The following FAM135A variants were observed in gnomAD, a reference collection of about 807,000 sequenced individuals.
FAM135A encodes the protein family with sequence similarity 135 member A.
Under a neutral mutation model 146.8 loss-of-function variants are expected in FAM135A, and 79 were observed. The ratio of observed to expected loss-of-function variants is 0.54; its 90% CI spans 0.45 to 0.65. The LOEUF (loss-of-function observed/expected upper bound fraction) is 0.65, where lower values mean the gene tolerates loss of function less well. Among genes scored for constraint, FAM135A ranks in the 30% least tolerant of loss-of-function variants. The probability of loss-of-function intolerance (pLI) is 0.00; values close to 1 mark genes in which losing one functional copy is unlikely to be tolerated. For synonymous variants in FAM135A, 562 were observed against 603.6 expected (o/e 0.93, Z 1.01); for missense variants, 1,623 against 1,758.2 (o/e 0.92, Z 1.38).
chr6:70,467,574 C>G (rs1780705381), intron 5 of FAM135A, among the ~76,000 whole-genome samples: 2 of 151,780 alleles, frequency 1.3e-5, no homozygotes, highest in South Asian at 4.2e-4. Context: ...TTAGTTTTTT[C>G]TTCTCCTTTT....
intron 10 of FAM135A, among the ~76,000 whole-genome samples, chr6:70,483,960 T>A (rs1281588785): frequency 6.6e-6 from 1 of 152,140 alleles, no homozygotes; most frequent in East Asian, 1.9e-4. Flanking sequence ...ATTCACATGG[T>A]AAGAAGATTG....
intron 20 of FAM135A, among the ~76,000 whole-genome samples, chr6:70,552,817 A>G (rs1040097305): frequency 2.6e-5 from 4 of 152,076 alleles, no homozygotes; most frequent in African/African-American, 9.7e-5. Context: ...GAGAGAGGGA[A>G]CACAGTTATA....
At chr6:70,482,347 TAAA>T (rs1361577421) in intron 10 of FAM135A, among the ~76,000 whole-genome samples, 193 bp downstream of exon 10, 1 of 152,004 alleles carries the variant, frequency 6.6e-6, no homozygotes, top group Non-Finnish European at 1.5e-5. Context: ...TTCAGAATAC[TAAA>T]AAATAACTTC....
chr6:70,421,071 A>G (rs1403454768), intron 2 of FAM135A, among the ~76,000 whole-genome samples: 1 of 151,994 alleles, frequency 6.6e-6, no homozygotes, highest in African/African-American at 2.4e-5. Flanking sequence ...ATATAGAGAC[A>G]CGGTTTTGCC....
chr6:70,415,661 A>G (rs905151092), intron 2 of FAM135A, among the ~76,000 whole-genome samples: 7 of 152,186 alleles, frequency 4.6e-5, no homozygotes, highest in Admixed American at 3.9e-4. Flanking sequence ...TTTTATTTTT[A>G]GGTAAACATT....
At chr6:70,475,905 C>T (rs1782548943) in intron 7 of FAM135A, among the ~76,000 whole-genome samples, 172 bp downstream of exon 7, 2 of 152,132 alleles carry the variant, frequency 1.3e-5, no homozygotes, top group South Asian at 2.1e-4. Flanking sequence ...TGTGCCCATG[C>T]CGAATCCATG....
intron 5 of FAM135A, among the ~76,000 whole-genome samples, chr6:70,457,847 C>G (rs1181437508): frequency 6.6e-6 from 1 of 152,106 alleles, no homozygotes; most frequent in South Asian, 2.1e-4. Flanking sequence ...AGAGTACCTT[C>G]TCTTAGTCTT....
chr6:70,540,318 C>CTTTTTTTTTTT (rs1190614826), intron 20 of FAM135A, among the ~76,000 whole-genome samples: 1 of 81,536 alleles, frequency 1.2e-5, no homozygotes, highest in African/African-American at 5.3e-5. Context: ...ATTCCTGCTA[C>CTTTTTTTTTTT]TTTTTTTTTT....
intron 11 of FAM135A, among the ~76,000 whole-genome samples, chr6:70,499,264 A>G (rs888180896): frequency 3.3e-5 from 5 of 152,108 alleles, no homozygotes; most frequent in East Asian, 1.9e-4. Flanking sequence ...TTGTTGGTTT[A>G]CAGTCTGTTT....
Position 70,524,455 on chromosome 6 carries a change from G to C in FAM135A, c.1371G>C (p.Leu457Phe). 6.5e-7 allele frequency: 1 copy of C among 1,550,292 alleles called. No individual in the cohort carries two copies. Among genetic ancestry groups the C allele is most frequent in the East Asian group, 2.4e-5 (1 of 40,902 alleles). ...SSVAGLSSPELKVRPAGASSI... is the reference protein window; with the variant it reads ...SSVAGLSSPEFKVRPAGASSI... ...TAGCAGGACTTTCTAGCCCAGAGTT[G>C]AAAGTCAGACCTGCTGGTGCCTCCA... Residue 457 changes from leucine (L) to phenylalanine (F), a missense_variant, in exon 15 of 22, where the codon TTG (leucine) becomes TTC (phenylalanine). Physicochemically the swap from Leu to Phe is conservative, Grantham distance 22. Around this residue, in one of 7 missense-constraint regions of FAM135A, gnomAD observed 1,061 missense variants for 1,113.8 expected, o/e 0.95. Coordinates refer to ENST00000418814, the MANE Select transcript of FAM135A (RefSeq NM_001162529.3).
intron 12 of FAM135A, among the ~76,000 whole-genome samples, chr6:70,511,172 G>A (rs1365503527): frequency 6.6e-6 from 1 of 151,790 alleles, no homozygotes; most frequent in Non-Finnish European, 1.5e-5. Context: ...ATATATTCTG[G>A]TAACTAGGCC....
intron 4 of FAM135A, among the ~76,000 whole-genome samples, chr6:70,442,071 A>G (rs182445081): frequency 2.0e-5 from 3 of 152,112 alleles, no homozygotes; most frequent in South Asian, 2.1e-4. Flanking sequence ...TTACTTTTTT[A>G]ATTTTATGTT....
chr6:70,538,991 G>A (rs1416821072), intron 20 of FAM135A, among the ~76,000 whole-genome samples: 1 of 151,278 alleles, frequency 6.6e-6, no homozygotes, highest in East Asian at 1.9e-4. Context: ...TCCCCATCTT[G>A]CATATATATT....
Position 70,552,813 on chromosome 6 carries a change from G to A in FAM135A, c.4229-3937G>A, listed in dbSNP as rs899552556. Reference sequence around the variant, plus strand: ...ATAAAAAAGGGTAGGGAGAGAGAGAGGGAACACAGTTATATGTCACCTATC... The same window carrying A: ...ATAAAAAAGGGTAGGGAGAGAGAGAAGGAACACAGTTATATGTCACCTATC... On this transcript the variant is annotated intron_variant, in intron 20 of 21. Coordinates refer to ENST00000418814, the MANE Select transcript of FAM135A (RefSeq NM_001162529.3). Among the ~76,000 whole-genome samples the A allele has an allele frequency of 1.6e-4, 25 of 152,092 alleles. 1 individual carries two copies. In the South Asian group the frequency reaches 2.9e-3, roughly 18 times the overall value.
intron 5 of FAM135A, among the ~76,000 whole-genome samples, chr6:70,462,663 G>GT (rs896824805): frequency 2.6e-5 from 4 of 151,594 alleles, no homozygotes. Context: ...ATTTGACCAG[G>GT]TTTTTTCTAA....
chr6:70,484,984 C>T (rs1784359427), intron 10 of FAM135A, among the ~76,000 whole-genome samples: 1 of 152,116 alleles, frequency 6.6e-6, no homozygotes, highest in South Asian at 2.1e-4. Flanking sequence ...TAAAAGTGCC[C>T]TTATATTTAA....
At chr6:70,437,528 TAATG>T (rs1302378246) in intron 4 of FAM135A, among the ~76,000 whole-genome samples, 5 of 152,108 alleles carry the variant, frequency 3.3e-5, no homozygotes, top group African/African-American at 4.8e-5. Context: ...GATCCTGAAA[TAATG>T]AAACAACATC....
chr6:70,467,928 A>G (rs1253407063), intron 5 of FAM135A, among the ~76,000 whole-genome samples: 1 of 152,088 alleles, frequency 6.6e-6, no homozygotes, highest in Non-Finnish European at 1.5e-5. Context: ...TAAACATGTT[A>G]AAAGTGTCCT....
rs1801650051 is a variant in FAM135A at position 70,560,021 on chromosome 6, T to C, written c.*100T>C. 4.7e-6 allele frequency: 4 copies of C among 850,958 alleles called. No homozygotes were observed. Among genetic ancestry groups the C allele is most frequent in the African/African-American group, 1.7e-5 (1 of 57,986 alleles). 52.7% of individuals were successfully genotyped at this position (850,958 alleles called of 1,614,324 possible). On this transcript the variant is annotated 3_prime_UTR_variant, in exon 22 of 22. Coordinates refer to ENST00000418814, the MANE Select transcript of FAM135A (RefSeq NM_001162529.3). ...AGATGCTGATAAGTTCTAAGAAATA[T>C]TTATACCTTTTTATATGGAAGATAA... is the stretch of plus-strand genomic sequence containing the variant.
Sources: allele counts gnomAD v4.1 joint callset (sites outside exome capture counted in the v4.1 genomes callset), GRCh38; gene constraint gnomAD v4.1.1; regional missense constraint gnomAD v4.1.1; transcripts MANE v1.5; gene names NCBI Gene and HGNC (gene_info 2026-07-23, HGNC 2026-07-21).